Variants in GABRE observed in about 807,000 individuals in gnomAD.
The protein encoded by GABRE is gamma-aminobutyric acid receptor subunit epsilon.
A neutral mutation model predicts 31.0 loss-of-function variants in GABRE; 20 were observed. That is an observed-to-expected ratio of 0.64 (90% CI 0.45 to 0.94). The LOEUF is 0.94. Ranked by LOEUF, GABRE falls within the 40% of genes least tolerant of loss-of-function variation. The probability of loss-of-function intolerance (pLI) is 0.00; values close to 1 mark genes in which losing one functional copy is unlikely to be tolerated. For synonymous variants in GABRE, 155 were observed against 150.6 expected (o/e 1.03, Z -0.21); for missense variants, 420 against 410.7 (o/e 1.02, Z -0.20).
intron 1 of GABRE, 185 bp from the exon 2 acceptor site, chrX:151,970,587 G>C: frequency 2.2e-6 from 1 of 463,578 alleles, no homozygotes; most frequent in Non-Finnish European, 3.5e-6. Context: ...AAACCTTGCT[G>C]CTCTTTGGGG....
In GABRE at chrX:151,954,124, T is replaced by A. The variant is rs1061421; in HGVS notation, c.*577A>T. The A allele has an allele frequency of 0.21, 23,687 of 110,711 alleles. 2,720 individuals carry two copies. The highest frequency in any genetic ancestry group is 0.45 in the African/African-American group (13,605 of 30,277). 9.1% of individuals were successfully genotyped at this position (110,711 alleles called of 1,213,427 possible). A position where few individuals can be genotyped will look rare whatever the true frequency, so the allele number is the denominator to read the frequency against. ...AAGGGATAATGCCAGTGTCTATCTA[T>A]CTGCAGAGAAAGGGGTAGCAGGGAG... is the stretch of plus-strand genomic sequence containing the variant. On this transcript the variant is annotated 3_prime_UTR_variant, in exon 9 of 9. Coordinates refer to ENST00000370328, the MANE Select transcript of GABRE (RefSeq NM_004961.4).
At chrX:151,970,158 G>C in intron 2 of GABRE, 27 bp downstream of exon 2, 1 of 1,209,808 alleles carries the variant, frequency 8.3e-7, no homozygotes. Context: ...CCCTCTAGGA[G>C]GGGAAGAACG....
intron 8 of GABRE, 24 bp from the exon 9 acceptor site, chrX:151,955,108 G>A (rs1294710186): frequency 8.4e-7 from 1 of 1,195,359 alleles, no homozygotes; most frequent in African/African-American, 1.8e-5. Context: ...GGAAAGAAGT[G>A]GGGAAAAGTC....
chrX:151,961,149 A>G (rs1934355866), intron 5 of GABRE, 134 bp downstream of exon 5: 1 of 484,645 alleles, frequency 2.1e-6, no homozygotes, highest in Admixed American at 3.4e-5. Context: ...ATGAGGGTGG[A>G]GGATGGAAGT....
At chrX:151,965,873 G>T (rs374387797) in intron 3 of GABRE, among the ~76,000 whole-genome samples, 2 of 112,568 alleles carry the variant, frequency 1.8e-5, no homozygotes, top group East Asian at 5.6e-4. Flanking sequence ...AGACAGAAAA[G>T]AGCTGGCAGA....
chrX:151,964,839 G>GT (rs768241718), intron 3 of GABRE, among the ~76,000 whole-genome samples: 1 of 111,785 alleles, frequency 8.9e-6, no homozygotes, highest in Non-Finnish European at 1.9e-5. Flanking sequence ...GGAGGCACAT[G>GT]TTTAAGGTTT....
chrX:151,972,654 C>T, intron 1 of GABRE: 1 of 752,307 alleles, frequency 1.3e-6, no homozygotes, highest in Admixed American at 8.7e-5. Flanking sequence ...ACTAGGTCTG[C>T]AATAAAAATG....
intron 1 of GABRE, chrX:151,971,241 T>C: frequency 2.8e-6 from 1 of 360,529 alleles, no homozygotes; most frequent in Non-Finnish European, 5.0e-6. Context: ...TTTGGCTTTC[T>C]TTACACCGCT....
rs377185335 is a variant in GABRE at position 151,954,994 on chromosome X, C to A, written c.1228G>T (p.Val410Phe). The A allele has an allele frequency of 6.6e-6, 8 of 1,205,490 alleles. No homozygotes were observed. Among genetic ancestry groups the A allele is most frequent in the Non-Finnish European group, 7.8e-6 (7 of 892,350 alleles). ...TCTCCATCACTTCCCTCAGTGGTGACAATCTGGCACACAAAAGCTTCCTGA... is the reference window on the plus strand; with the variant it reads ...TCTCCATCACTTCCCTCAGTGGTGAAAATCTGGCACACAAAAGCTTCCTGA... ...QHQEAFVCQIVTTEGSDGEER... is the reference protein window; with the variant it reads ...QHQEAFVCQIFTTEGSDGEER... Residue 410 changes from valine (V) to phenylalanine (F), a missense_variant, in exon 9 of 9, where the codon GTC (valine) becomes TTC (phenylalanine). By Grantham distance (50) the Val-to-Phe change is conservative. Transcript: ENST00000370328.
intron 1 of GABRE, 47 bp downstream of exon 1, chrX:151,974,523 A>C: frequency 1.2e-6 from 1 of 818,647 alleles, no homozygotes; most frequent in Non-Finnish European, 1.7e-6. Flanking sequence ...TCCCGGGGAG[A>C]GGGAGCTGGG....
At position 151,954,086 on chromosome X, in the gene GABRE, C is replaced by T. The variant is rs925908021; in HGVS notation, c.*615G>A. 9.0e-6 allele frequency: 1 copy of T among 111,602 alleles called. No homozygotes were observed. The highest frequency in any genetic ancestry group is 2.8e-4 in the East Asian group (1 of 3,523). 9.2% of individuals were successfully genotyped at this position (111,602 alleles called of 1,213,427 possible). A position where few individuals can be genotyped will look rare whatever the true frequency, so the allele number is the denominator to read the frequency against. On this transcript the variant is annotated 3_prime_UTR_variant, in exon 9 of 9. Transcript: ENST00000370328. ...TCCCAAATAGGCTCTCTTGCTGCCCCCCCCTCTTCCTAAAGGGATAATGCC... is the reference window on the plus strand; with the variant it reads ...TCCCAAATAGGCTCTCTTGCTGCCCTCCCCTCTTCCTAAAGGGATAATGCC...
rs747243999 is a variant in GABRE at position 151,961,296 on chromosome X, T to C, written c.633A>G (p.Leu211=). 9.2e-6 allele frequency: 11 copies of C among 1,199,936 alleles called. No individual in the cohort carries two copies. In the East Asian group the frequency reaches 1.8e-4, roughly 20 times the overall value. Residue 211 remains leucine, a synonymous_variant, in exon 5 of 9, where the codon CTA becomes CTG. Transcript: ENST00000370328. The stretch of plus-strand genomic sequence containing the variant: ...GAAGGTACTCACAGCTAGAGAAAGA[T>C]AGAGGGCAAGAGTGAGAATCCATTG... The part of the protein sequence containing the change: ...RFPMDSHSCP[L]SFSSFSYPEN...
chrX:151,970,606 T>C (rs1381936416), intron 1 of GABRE: 5 of 416,171 alleles, frequency 1.2e-5, no homozygotes, highest in African/African-American at 9.9e-5. Context: ...GGACTTTCTA[T>C]GCTGTCCCTC....
chrX:151,963,955 G>A (rs1260779963), intron 3 of GABRE, among the ~76,000 whole-genome samples: 4 of 111,869 alleles, frequency 3.6e-5, no homozygotes, highest in South Asian at 3.7e-4. Flanking sequence ...ACGCCCACAC[G>A]TGGAAATATA....
chrX:151,968,652 C>T (rs931436114), intron 3 of GABRE, among the ~76,000 whole-genome samples: 6 of 111,856 alleles, frequency 5.4e-5, no homozygotes, highest in Middle Eastern at 4.6e-3. Context: ...GTGGCTGTGA[C>T]GGAGTTGCTT....
In GABRE at chrX:151,954,400, G is replaced by A; in HGVS notation, c.*301C>T. 3.9e-6 allele frequency: 1 copy of A among 256,172 alleles called. No individual in the cohort carries two copies. Among genetic ancestry groups the A allele is most frequent in the East Asian group, 7.0e-5 (1 of 14,269 alleles). 21.1% of individuals were successfully genotyped at this position (256,172 alleles called of 1,213,427 possible). A position where few individuals can be genotyped will look rare whatever the true frequency, so the allele number is the denominator to read the frequency against. Reference sequence around the variant, plus strand: ...GCCTGTACTTAGGCATGGTTTTAGGGAGCTGATCACTAAGTGGCTGTGGTT... The same window carrying A: ...GCCTGTACTTAGGCATGGTTTTAGGAAGCTGATCACTAAGTGGCTGTGGTT... On this transcript the variant is annotated 3_prime_UTR_variant, in exon 9 of 9. Coordinates refer to ENST00000370328, the MANE Select transcript of GABRE (RefSeq NM_004961.4).
rs768865712 is a variant in GABRE at position 151,955,579 on chromosome X, C to T, written c.938-12G>A. ...AACAGAGGTGATCCCTGCAAGAGCA[C>T]AAGAGTGATGGGCTCAGCTCCTGAC... On this transcript the variant is annotated splice_polypyrimidine_tract_variant and intron_variant, in intron 7 of 8. Coordinates refer to ENST00000370328, the MANE Select transcript of GABRE (RefSeq NM_004961.4). 1.4e-5 allele frequency: 17 copies of T among 1,205,926 alleles called. No homozygotes were observed. The highest frequency in any genetic ancestry group is 1.9e-5 in the Non-Finnish European group (17 of 891,041).
At chrX:151,955,612 C>T (rs181697394) in intron 7 of GABRE, 45 bp from the exon 8 acceptor site, 29 of 1,192,955 alleles carry the variant, frequency 2.4e-5, no homozygotes, top group African/African-American at 1.6e-4. Context: ...GACCTATGTG[C>T]GACATTGGTT....
chrX:151,973,277 T>TAGG (rs1284327575), intron 1 of GABRE, among the ~76,000 whole-genome samples: 4 of 110,889 alleles, frequency 3.6e-5, no homozygotes, highest in Non-Finnish European at 7.6e-5. Flanking sequence ...TCCCTGCTGT[T>TAGG]TTCCTCTCTG....
Sources: allele counts gnomAD v4.1 joint callset (sites outside exome capture counted in the v4.1 genomes callset), GRCh38; gene constraint gnomAD v4.1.1; transcripts MANE v1.5; gene names NCBI Gene and HGNC (gene_info 2026-07-23, HGNC 2026-07-21).